Variants in NUDCD3 observed in about 807,000 individuals in gnomAD.
NUDCD3 encodes the protein nudC domain-containing protein 3.
A neutral mutation model predicts 39.7 loss-of-function variants in NUDCD3; 13 were observed. That is an observed-to-expected ratio of 0.33 (90% CI 0.21 to 0.52). NUDCD3 has a LOEUF of 0.52. Ranked by LOEUF, NUDCD3 falls within the 20% of genes least tolerant of loss-of-function variation. The probability of loss-of-function intolerance (pLI) is 0.96; values close to 1 mark genes in which losing one functional copy is unlikely to be tolerated. For synonymous variants in NUDCD3, 175 were observed against 172.4 expected, an observed-to-expected ratio of 1.02 and a Z score of -0.12; for missense variants, 453 against 458.1, an observed-to-expected ratio of 0.99 and a Z score of 0.10.
At chr7:44,479,472 A>T (rs79658771) in intron 2 of NUDCD3, among the ~76,000 whole-genome samples, 5,686 of 152,298 alleles carry the variant, frequency 0.037, 179 homozygotes, top group East Asian at 0.13. Flanking sequence ...CCTGTCTCTA[A>T]AAAAATAAAA....
intron 2 of NUDCD3, among the ~76,000 whole-genome samples, chr7:44,451,969 T>C (rs1300220366): frequency 6.6e-6 from 1 of 152,038 alleles, no homozygotes; most frequent in Non-Finnish European, 1.5e-5. Context: ...AAGTCATCTA[T>C]AGAGAAGGAA....
At chr7:44,390,526 T>G (rs990561936) in intron 5 of NUDCD3, among the ~76,000 whole-genome samples, 4 of 136,834 alleles carry the variant, frequency 2.9e-5, no homozygotes, top group African/African-American at 1.0e-4. Context: ...CTGACCTTAG[T>G]CCCTCCATCC....
chr7:44,454,478 T>C (rs1270712088), intron 2 of NUDCD3, among the ~76,000 whole-genome samples: 1 of 152,256 alleles, frequency 6.6e-6, no homozygotes, highest in Non-Finnish European at 1.5e-5. Flanking sequence ...TTAAAATCCT[T>C]TCATCTGCTC....
intron 3 of NUDCD3, among the ~76,000 whole-genome samples, chr7:44,424,857 G>A (rs1382057985): frequency 6.6e-6 from 1 of 152,078 alleles, no homozygotes; most frequent in Non-Finnish European, 1.5e-5. Flanking sequence ...GTTTACTGCA[G>A]CACTATTTAC....
rs1311334369 is a variant in NUDCD3, at chr7:44,383,902, A to G, written c.*2109T>C. On this transcript the variant is annotated 3_prime_UTR_variant, in exon 6 of 6. Coordinates refer to ENST00000355451, the MANE Select transcript of NUDCD3 (RefSeq NM_015332.4). Reference sequence around the variant, plus strand: ...GACAGGCTCCACAACCACACCAAGCACCGCAGTGTGGCACCGGGACCAGAT... The same window carrying G: ...GACAGGCTCCACAACCACACCAAGCGCCGCAGTGTGGCACCGGGACCAGAT... 1 of 152,278 alleles carries G rather than the reference A, an allele frequency of 6.6e-6. No individual in the cohort carries two copies. Among genetic ancestry groups the G allele is most frequent in the African/African-American group, 2.4e-5 (1 of 41,456 alleles). 9.4% of individuals were successfully genotyped at this position (152,278 alleles called of 1,614,324 possible).
chr7:44,455,970 G>T (rs1390136494), intron 2 of NUDCD3, among the ~76,000 whole-genome samples: 80 of 131,882 alleles, frequency 6.1e-4, no homozygotes, highest in Non-Finnish European at 8.1e-4. Flanking sequence ...AGCTTGCAGT[G>T]AGCCGAGATC....
intron 1 of NUDCD3, among the ~76,000 whole-genome samples, chr7:44,488,686 A>G (rs949258771): frequency 1.3e-5 from 2 of 152,186 alleles, no homozygotes; most frequent in Non-Finnish European, 2.9e-5. Flanking sequence ...TTAACGCATT[A>G]TCACTATTCC....
intron 2 of NUDCD3, among the ~76,000 whole-genome samples, chr7:44,484,200 T>C (rs1800554707): frequency 6.6e-6 from 1 of 152,206 alleles, no homozygotes; most frequent in African/African-American, 2.4e-5. Context: ...CGTGGCTGTC[T>C]TGCAGACACT....
At chr7:44,412,926 C>CAAAAAAAAAAAAAAA (rs767754442) in intron 3 of NUDCD3, among the ~76,000 whole-genome samples, 11 of 43,848 alleles carry the variant, frequency 2.5e-4, no homozygotes, top group African/African-American at 4.0e-4. Flanking sequence ...GACGCCGTCT[C>CAAAAAAAAAAAAAAA]AAAAAAAAAA....
chr7:44,468,121 G>C (rs766841253), intron 2 of NUDCD3: 3 of 1,607,904 alleles, frequency 1.9e-6, no homozygotes, highest in Non-Finnish European at 2.5e-6. Context: ...GTGGCTTCCG[G>C]AAGTTCCTGG....
chr7:44,390,177 C>T (rs1467930184), intron 5 of NUDCD3, among the ~76,000 whole-genome samples: 3 of 152,088 alleles, frequency 2.0e-5, no homozygotes, highest in Admixed American at 6.5e-5. Context: ...CCAGCCTGGC[C>T]AACATGGTGA....
At chr7:44,440,687 A>G (rs1046821947) in intron 2 of NUDCD3, among the ~76,000 whole-genome samples, 3 of 152,144 alleles carry the variant, frequency 2.0e-5, no homozygotes, top group Non-Finnish European at 4.4e-5. Context: ...AAGCCAGCCC[A>G]TAGTTTGAAT....
chr7:44,441,517 T>C (rs1023021374), intron 2 of NUDCD3, among the ~76,000 whole-genome samples: 4 of 152,156 alleles, frequency 2.6e-5, no homozygotes, highest in Non-Finnish European at 4.4e-5. Flanking sequence ...TCAGAAACCC[T>C]ACATACAGCC....
chr7:44,477,429 A>T (rs1800395560), intron 2 of NUDCD3, among the ~76,000 whole-genome samples: 1 of 152,246 alleles, frequency 6.6e-6, no homozygotes, highest in Non-Finnish European at 1.5e-5. Context: ...TGATTTTTAA[A>T]AGGAAAAGCC....
At chr7:44,393,508 T>A (rs1188132556) in intron 4 of NUDCD3, among the ~76,000 whole-genome samples, 1 of 152,150 alleles carries the variant, frequency 6.6e-6, no homozygotes, top group African/African-American at 2.4e-5. Context: ...ACTGGCTGCA[T>A]CTGCTGTGGT....
intron 2 of NUDCD3, among the ~76,000 whole-genome samples, chr7:44,471,464 G>A (rs144986953): frequency 1.3e-5 from 2 of 152,232 alleles, no homozygotes; most frequent in South Asian, 4.1e-4. Flanking sequence ...AACCAGCTCA[G>A]GGCTAGGTGA....
At chr7:44,409,604 G>A (rs1798885026) in intron 3 of NUDCD3, among the ~76,000 whole-genome samples, 1 of 151,726 alleles carries the variant, frequency 6.6e-6, no homozygotes, top group Non-Finnish European at 1.5e-5. Context: ...ACAAAGTATG[G>A]CCCATACATA....
intron 2 of NUDCD3, among the ~76,000 whole-genome samples, chr7:44,446,216 CA>C (rs1177807141): frequency 1.3e-5 from 2 of 152,148 alleles, no homozygotes; most frequent in African/African-American, 2.4e-5. Context: ...CTCATGAGGA[CA>C]AAATGGGCTT....
At chr7:44,425,801 G>A (rs542212321) in intron 3 of NUDCD3, 53 of 152,294 alleles carry the variant, frequency 3.5e-4, no homozygotes, top group African/African-American at 1.2e-3. Flanking sequence ...AGGAGTTCAA[G>A]GCTACAGTGA....
Sources: gnomAD v4.1 joint callset for allele counts (sites outside exome capture counted in the v4.1 genomes callset) on GRCh38, gnomAD v4.1.1 for gene constraint, MANE v1.5 for transcripts, NCBI Gene and HGNC (gene_info 2026-07-23, HGNC 2026-07-21) for gene names.